The following DAPK1 variants were observed in gnomAD, a reference collection of about 807,000 sequenced individuals.
DAPK1 encodes death-associated protein kinase 1.
In DAPK1, 56 loss-of-function variants were observed where a neutral mutation model predicts 144.9. The ratio of observed to expected loss-of-function variants is 0.39; its 90% CI spans 0.31 to 0.48. The LOEUF is 0.48. Among genes scored for constraint, DAPK1 ranks in the 20% least tolerant of loss-of-function variants. The probability of loss-of-function intolerance (pLI) is 0.95; values close to 1 mark genes in which losing one functional copy is unlikely to be tolerated. For missense variants in DAPK1, 1,454 were observed against 1,875.4 expected (o/e 0.78, Z 4.15); for synonymous variants, 690 against 749.0 (o/e 0.92, Z 1.29).
chr9:87,545,414 CTAAG>C (rs1826208035), intron 2 of DAPK1, among the ~76,000 whole-genome samples: 1 of 152,142 alleles, frequency 6.6e-6, no homozygotes. Flanking sequence ...AGCAAGAACT[CTAAG>C]TAATTCATTA....
intron 2 of DAPK1, among the ~76,000 whole-genome samples, chr9:87,510,546 A>C (rs1027691501): frequency 1.3e-5 from 2 of 152,200 alleles, no homozygotes; most frequent in African/African-American, 4.8e-5. Context: ...TTTGGAGTAG[A>C]TAACTGGCCA....
intron 24 of DAPK1, among the ~76,000 whole-genome samples, chr9:87,700,595 C>A (rs1311246657): frequency 6.6e-6 from 1 of 152,100 alleles, no homozygotes; most frequent in Non-Finnish European, 1.5e-5. Flanking sequence ...AACTCCAGGG[C>A]TCAAGCAATC....
chr9:87,587,194 C>T (rs559012730), intron 2 of DAPK1, among the ~76,000 whole-genome samples: 3 of 152,328 alleles, frequency 2.0e-5, no homozygotes, highest in Non-Finnish European at 4.4e-5. Flanking sequence ...GGAAACTCTC[C>T]GCCATGTTCT....
Position 87,707,213 on chromosome 9 carries a change from G to A in DAPK1, c.4142G>A (p.Arg1381Lys). 1 of 1,614,224 alleles carries A rather than the reference G, an allele frequency of 6.2e-7. No homozygotes were observed. The highest frequency in any genetic ancestry group is 8.5e-7 in the Non-Finnish European group (1 of 1,180,042). Reference protein sequence around the residue: ...STVGTLMSKLRELGRRDAADF... With the variant: ...STVGTLMSKLKELGRRDAADF... ...GTGGGCACCCTCATGTCCAAACTGA[G>A]GGAGCTGGGTCGCCGGGATGCCGCA... The change falls in exon 26 of 26, where the codon AGG becomes AAG. Residue 1381 changes from arginine (R) to lysine (K), a missense_variant. By Grantham distance (26) the Arg-to-Lys change is conservative. Around this residue, in one of 2 missense-constraint regions of DAPK1, gnomAD observed 1,025 missense variants for 1,237.9 expected, o/e 0.83. Coordinates refer to ENST00000408954, the MANE Select transcript of DAPK1 (RefSeq NM_004938.4). The surrounding 1 kb of genome is among the most constrained non-coding windows in gnomAD (Gnocchi z 4.0).
chr9:87,507,725 C>T (rs951323804), intron 2 of DAPK1, among the ~76,000 whole-genome samples: 5 of 152,028 alleles, frequency 3.3e-5, no homozygotes, highest in African/African-American at 9.7e-5. Context: ...TGTAAACTGC[C>T]GATCTCTGAA....
At chr9:87,589,010 T>C (rs1828033369) in intron 2 of DAPK1, among the ~76,000 whole-genome samples, 2 of 151,000 alleles carry the variant, frequency 1.3e-5, no homozygotes, top group Admixed American at 1.3e-4. Context: ...TGCCTCAGCC[T>C]TCCAAGTAGC....
chr9:87,599,522 G>GT (rs1025922591), intron 2 of DAPK1, among the ~76,000 whole-genome samples: 12 of 152,082 alleles, frequency 7.9e-5, no homozygotes, highest in African/African-American at 2.9e-4. Flanking sequence ...TTTGAATCAA[G>GT]TTTTTTAATA....
chr9:87,575,477 G>A (rs1827522823), intron 2 of DAPK1, among the ~76,000 whole-genome samples: 1 of 152,012 alleles, frequency 6.6e-6, no homozygotes, highest in African/African-American at 2.4e-5. Flanking sequence ...TGTTGTGAGG[G>A]CAAGAAACCT....
intron 21 of DAPK1, among the ~76,000 whole-genome samples, chr9:87,692,658 G>C (rs905148383): frequency 6.6e-6 from 1 of 151,844 alleles, no homozygotes. Flanking sequence ...TTATGCTTTC[G>C]TGTGTTTTCA....
chr9:87,571,473 A>ACACACACC (rs377253457), intron 2 of DAPK1, among the ~76,000 whole-genome samples: 2,867 of 57,284 alleles, frequency 0.05, 559 homozygotes, highest in African/African-American at 0.076. Context: ...ACACACACAC[A>ACACACACC]CCAACACACA....
intron 2 of DAPK1, among the ~76,000 whole-genome samples, chr9:87,552,839 G>A (rs187909215): frequency 1.1e-4 from 17 of 151,816 alleles, no homozygotes; most frequent in Non-Finnish European, 2.1e-4. Context: ...GGCCTCAAGC[G>A]ATTCTCCCAC....
At chr9:87,554,171 CT>C (rs1394306001) in intron 2 of DAPK1, 1 of 152,204 alleles carries the variant, frequency 6.6e-6, no homozygotes, top group Non-Finnish European at 1.5e-5. Flanking sequence ...TGATTTTCAT[CT>C]GGGGAACTTA....
Position 87,632,093 on chromosome 9 carries a change from AATATATATAT to A in DAPK1, c.285-5843_285-5834del, listed in dbSNP as rs373422206. ...GAAAGTTAATTAGTATATATGTAGAAATATATATATATATATGTATGTGTGTGTGTATATA... is the reference window on the plus strand; with the variant it reads ...GAAAGTTAATTAGTATATATGTAGAAATATATGTATGTGTGTGTGTATATA... On this transcript the variant is annotated intron_variant, in intron 3 of 25. Transcript: ENST00000408954. 2.0e-3 allele frequency: 1,198 copies of A among 591,284 alleles called. 14 individuals carry two copies. The South Asian group carries it at 0.025, about 12-fold the overall frequency. 36.6% of individuals were successfully genotyped at this position (591,284 alleles called of 1,614,324 possible). A position where few individuals can be genotyped will look rare whatever the true frequency, so the allele number is the denominator to read the frequency against.
In DAPK1 at chr9:87,522,591, A is replaced by G. The variant is rs7862823; in HGVS notation, c.62+23452A>G. ...GATTCTTTTCTAATTTTTCTATTAT[A>G]AGCAATTCTGCAATGATTGCTGATG... On this transcript the variant is annotated intron_variant, in intron 2 of 25. Transcript: ENST00000408954. Among the ~76,000 whole-genome samples the G allele has an allele frequency of 7.2e-3, 1,090 of 152,294 alleles. 17 individuals are homozygous for G. The highest frequency in any genetic ancestry group is 0.025 in the African/African-American group (1,034 of 41,550).
chr9:87,618,137 T>G (rs928623205), intron 3 of DAPK1, among the ~76,000 whole-genome samples: 1 of 152,244 alleles, frequency 6.6e-6, no homozygotes, highest in Non-Finnish European at 1.5e-5. Context: ...ACAAAACAGC[T>G]GCTTCTCTTG....
chr9:87,561,504 CGACAG>C (rs1826923381), intron 2 of DAPK1, among the ~76,000 whole-genome samples: 1 of 149,818 alleles, frequency 6.7e-6, no homozygotes, highest in Non-Finnish European at 1.5e-5. Context: ...CCAGCCTGGG[CGACAG>C]AGCGAGACTC....
At position 87,563,776 on chromosome 9, in the gene DAPK1, CAGG is replaced by C. The variant is rs201390314; in HGVS notation, c.63-41169_63-41167del. 9.0e-3 allele frequency among the ~76,000 whole-genome samples: 1,365 copies of C among 152,258 alleles called. 10 individuals are homozygous for C. The highest frequency in any genetic ancestry group is 0.012 in the Non-Finnish European group (785 of 68,018). ...ACATGTGGCTGAGCCTAGCCAGCACCAGGAGGAGGAGATGACCTGCCCAGCTGA... is the reference window on the plus strand; with the variant it reads ...ACATGTGGCTGAGCCTAGCCAGCACCAGGAGGAGATGACCTGCCCAGCTGA... On this transcript the variant is annotated intron_variant, in intron 2 of 25. Coordinates refer to ENST00000408954, the MANE Select transcript of DAPK1 (RefSeq NM_004938.4).
rs771222459 is a variant in DAPK1 at position 87,643,457 on chromosome 9, G to A, written c.1000G>A (p.Asp334Asn). ...AAGTAACATGAGTGTTGCCAGAAGCGATGATACTCTGGTAAGCAAACCCGT... is the reference window on the plus strand; with the variant it reads ...AAGTAACATGAGTGTTGCCAGAAGCAATGATACTCTGGTAAGCAAACCCGT... The part of the protein sequence containing the change: ...SRSNMSVARS[D>N]DTLDEEDSFV... The change falls in exon 11 of 26, where the codon GAT (aspartate) becomes AAT (asparagine). Residue 334 changes from aspartate to asparagine, a missense_variant. This residue lies in a region of DAPK1 where 429 missense variants were observed against 637.5 expected (regional missense o/e 0.67). Transcript: ENST00000408954. 2.0e-5 allele frequency: 32 copies of A among 1,606,768 alleles called. No homozygotes were observed. Among genetic ancestry groups the A allele is most frequent in the South Asian group, 1.9e-4 (17 of 90,662 alleles).
At chr9:87,595,955 C>CT (rs377213905) in intron 2 of DAPK1, among the ~76,000 whole-genome samples, 1 of 151,624 alleles carries the variant, frequency 6.6e-6, no homozygotes, top group Non-Finnish European at 1.5e-5. Flanking sequence ...GAGGGTTGTA[C>CT]TTTTTTTTCA....
Sources: gnomAD v4.1 joint callset for allele counts (sites outside exome capture counted in the v4.1 genomes callset) on GRCh38, gnomAD v4.1.1 for gene constraint, gnomAD v4.1.1 regional missense constraint, Gnocchi (gnomAD v3.1) non-coding constraint, MANE v1.5 for transcripts, NCBI Gene and HGNC (gene_info 2026-07-23, HGNC 2026-07-21) for gene names.